ADAM22: variants seen among roughly 807,000 people sequenced by gnomAD.
The protein encoded by ADAM22 is ADAM metallopeptidase domain 22, also known as disintegrin and metalloproteinase domain-containing protein 22.
In ADAM22, 65 loss-of-function variants were observed where a neutral mutation model predicts 144.6. That is an observed-to-expected ratio of 0.45 (90% confidence interval 0.37 to 0.55). The LOEUF (loss-of-function observed/expected upper bound fraction) is 0.55, where lower values mean the gene tolerates loss of function less well. Among genes scored for constraint, ADAM22 ranks in the 20% least tolerant of loss-of-function variants. The pLI is 0.00. For synonymous variants in ADAM22, 391 were observed against 412.6 expected, an observed-to-expected ratio of 0.95 and a Z score of 0.63; for missense variants, 974 against 1,184.9, an observed-to-expected ratio of 0.82 and a Z score of 2.61.
At chr7:88,133,741 T>C (rs1252807385) in intron 12 of ADAM22, among the ~76,000 whole-genome samples, 1 of 152,162 alleles carries the variant, frequency 6.6e-6, no homozygotes, top group Admixed American at 6.5e-5. Flanking sequence ...TTTCTTTTAC[T>C]CCTAAGGCAC....
At chr7:87,967,678 TG>T (rs1464282408) in intron 2 of ADAM22, among the ~76,000 whole-genome samples, 1 of 151,614 alleles carries the variant, frequency 6.6e-6, no homozygotes, top group Non-Finnish European at 1.5e-5. Context: ...TATGGTGGCG[TG>T]TGCCTGTAAT....
rs1260049652 is a variant in ADAM22 at position 88,193,814 on chromosome 7, G to C, written c.2874+575G>C. Among the ~76,000 whole-genome samples the C allele has an allele frequency of 5.3e-5, 8 of 152,226 alleles. No homozygotes were observed. In the East Asian group the frequency reaches 1.3e-3, roughly 26 times the overall value. ...TGCTGGTTAGACTCTTTGGTCTTCA[G>C]AGATGTTTCGGAATCTCTTTGATCC... On this transcript the variant is annotated intron_variant, in intron 31 of 31. Coordinates refer to ENST00000413139, the MANE Select transcript of ADAM22 (RefSeq NM_001324418.2).
chr7:88,144,494 A>T (rs12704386), intron 15 of ADAM22, among the ~76,000 whole-genome samples: 21,857 of 152,026 alleles, frequency 0.14, 2,838 homozygotes, highest in African/African-American at 0.34. Context: ...GAGGAGCTGT[A>T]TTTTTTATTA....
chr7:88,029,248 T>C (rs1280122941), intron 3 of ADAM22, among the ~76,000 whole-genome samples: 1 of 152,132 alleles, frequency 6.6e-6, no homozygotes, highest in Non-Finnish European at 1.5e-5. Context: ...GTATTTGTTA[T>C]ATGTTTTTCA....
intron 23 of ADAM22, among the ~76,000 whole-genome samples, chr7:88,165,347 T>G (rs1229542035): frequency 6.6e-6 from 1 of 152,100 alleles, no homozygotes; most frequent in South Asian, 2.1e-4. Context: ...TTGTATAGCC[T>G]TGTGGAACTT....
chr7:88,096,349 CT>C (rs1171245981), intron 4 of ADAM22, among the ~76,000 whole-genome samples: 1 of 149,068 alleles, frequency 6.7e-6, no homozygotes, highest in Non-Finnish European at 1.5e-5. Flanking sequence ...TTCTGCTTTT[CT>C]TTTCATAATT....
At chr7:87,951,027 G>T (rs1844971526) in intron 2 of ADAM22, among the ~76,000 whole-genome samples, 1 of 152,034 alleles carries the variant, frequency 6.6e-6, no homozygotes. Context: ...TCATTGTCGA[G>T]TCTAGATATT....
At chr7:88,153,366 A>G (rs376561310) in intron 21 of ADAM22, 40 bp downstream of exon 21, 2 of 1,531,116 alleles carry the variant, frequency 1.3e-6, no homozygotes, top group Non-Finnish European at 1.8e-6. Flanking sequence ...TCCCTTGGTC[A>G]ATTACAAGTG....
chr7:88,142,976 A>G lies in ADAM22; in HGVS notation c.1221-50A>G, dbSNP rs753422097. 1.6e-5 allele frequency: 19 copies of G among 1,177,682 alleles called. No individual in the cohort carries two copies. The Admixed American group carries it at 2.4e-4, about 15-fold the overall frequency. The allele number at this position is 1,177,682 out of a possible 1,614,324, so 73.0% of individuals were successfully genotyped here. On this transcript the variant is annotated intron_variant, in intron 14 of 31. Transcript: ENST00000413139. Reference sequence around the variant, plus strand: ...AGTCTTCAGTTTTCAGACATTCACAAATGAGAAAGATGAGTTGAACCCAGC... The same window carrying G: ...AGTCTTCAGTTTTCAGACATTCACAGATGAGAAAGATGAGTTGAACCCAGC...
At chr7:88,155,315 G>T (rs2129527513) in intron 21 of ADAM22, among the ~76,000 whole-genome samples, 1 of 152,044 alleles carries the variant, frequency 6.6e-6, no homozygotes, top group Non-Finnish European at 1.5e-5. Context: ...TTGGGGTCAG[G>T]AATTCAAGGC....
At chr7:88,150,132 G>T (rs1837891264) in intron 18 of ADAM22, among the ~76,000 whole-genome samples, 1 of 152,148 alleles carries the variant, frequency 6.6e-6, no homozygotes, top group Admixed American at 6.6e-5. Flanking sequence ...TCCTCCTTCA[G>T]CAAGTTCCTC....
rs1456066374 is a variant in ADAM22, at chr7:88,179,137, TA to T, written c.2495+9del. 1.0e-6 allele frequency: 1 copy of T among 972,776 alleles called. No individual in the cohort carries two copies. Among genetic ancestry groups the T allele is most frequent in the Admixed American group, 2.0e-5 (1 of 49,412 alleles). 60.3% of individuals were successfully genotyped at this position (972,776 alleles called of 1,614,324 possible). A position where few individuals can be genotyped will look rare whatever the true frequency, so the allele number is the denominator to read the frequency against. On this transcript the variant is annotated intron_variant, in intron 27 of 31. Coordinates refer to ENST00000413139, the MANE Select transcript of ADAM22 (RefSeq NM_001324418.2). Reference sequence around the variant, plus strand: ...TTCATTATTTTGCAGCAGGTTTGATTACTTCTTCCTTCTTTCTTGAATGTTA... The same window carrying T: ...TTCATTATTTTGCAGCAGGTTTGATTCTTCTTCCTTCTTTCTTGAATGTTA...
At chr7:88,048,881 G>A (rs1805418537) in intron 3 of ADAM22, among the ~76,000 whole-genome samples, 1 of 152,018 alleles carries the variant, frequency 6.6e-6, no homozygotes, top group Admixed American at 6.5e-5. Context: ...CATTAACTGA[G>A]TTTAGTGTGT....
At chr7:88,160,203 T>TA (rs939177650) in intron 22 of ADAM22, among the ~76,000 whole-genome samples, 1 of 151,678 alleles carries the variant, frequency 6.6e-6, no homozygotes, top group African/African-American at 2.4e-5. Flanking sequence ...GTCAGGGAGG[T>TA]AAAAAATCTC....
chr7:88,182,054 A>G, intron 29 of ADAM22, 30 bp downstream of exon 29: 4 of 1,590,288 alleles, frequency 2.5e-6, no homozygotes, highest in Non-Finnish European at 3.4e-6. Context: ...GGAAAAAGGC[A>G]CTCCAAGGTC....
chr7:88,099,382 A>G (rs1464583189), intron 4 of ADAM22, among the ~76,000 whole-genome samples: 1 of 152,188 alleles, frequency 6.6e-6, no homozygotes, highest in East Asian at 1.9e-4. Context: ...CCCAGAGGGT[A>G]ACAGAGGAAA....
intron 30 of ADAM22, among the ~76,000 whole-genome samples, chr7:88,188,184 T>C (rs537352348): frequency 6.6e-6 from 1 of 152,252 alleles, no homozygotes; most frequent in South Asian, 2.1e-4. Context: ...ACTTTCATCC[T>C]ATATGGGTTA....
In ADAM22 at chr7:88,153,340, G is replaced by C. The variant is rs373453891; in HGVS notation, c.1787+14G>C. 7.5e-5 allele frequency: 120 copies of C among 1,599,938 alleles called. 1 individual carries two copies. The highest frequency in any genetic ancestry group is 9.8e-5 in the Non-Finnish European group (115 of 1,170,102). On this transcript the variant is annotated intron_variant, in intron 21 of 31. Transcript: ENST00000413139. ...GTGCAACAAACGGTGAGGTGGAGAC[G>C]TCAGCCCAGAATTCATCCCTTGGTC...
At chr7:87,946,497 T>C (rs185310237) in intron 2 of ADAM22, among the ~76,000 whole-genome samples, 1 of 152,188 alleles carries the variant, frequency 6.6e-6, no homozygotes, top group African/African-American at 2.4e-5. Context: ...AAGATTCTTA[T>C]AGTTTGAAGC....
Sources: gnomAD v4.1 joint callset for allele counts (sites outside exome capture counted in the v4.1 genomes callset) on GRCh38, gnomAD v4.1.1 for gene constraint, MANE v1.5 for transcripts, NCBI Gene and HGNC (gene_info 2026-07-23, HGNC 2026-07-21) for gene names.